The following TBL1X variants were observed in gnomAD, a reference collection of about 807,000 sequenced individuals.
TBL1X encodes transducin beta like 1 X-linked.
A neutral mutation model predicts 50.7 loss-of-function variants in TBL1X; 10 were observed. The ratio of observed to expected loss-of-function variants is 0.20; its 90% CI spans 0.12 to 0.33. The LOEUF is 0.33. TBL1X is among the 10% of genes least tolerant of loss of function. The probability of loss-of-function intolerance (pLI) is 1.00; values close to 1 mark genes in which losing one functional copy is unlikely to be tolerated. For synonymous variants in TBL1X, 190 were observed against 214.7 expected, an observed-to-expected ratio of 0.88 and a Z score of 1.01; for missense variants, 340 against 504.4, an observed-to-expected ratio of 0.67 and a Z score of 3.12.
chrX:9,708,754 G>T (rs1241000373), intron 13 of TBL1X, among the ~76,000 whole-genome samples: 1 of 107,057 alleles, frequency 9.3e-6, no homozygotes, highest in African/African-American at 3.4e-5. Context: ...TGTAGTCCCA[G>T]CTACTTGGGA....
At chrX:9,660,363 G>A (rs766683710) in intron 5 of TBL1X, among the ~76,000 whole-genome samples, 3 of 112,325 alleles carry the variant, frequency 2.7e-5, no homozygotes, top group East Asian at 2.8e-4. Context: ...CGTTGTGTCC[G>A]GCACAGGGAT....
intron 2 of TBL1X, among the ~76,000 whole-genome samples, chrX:9,542,796 A>T (rs945594768): frequency 2.7e-5 from 3 of 111,824 alleles, no homozygotes; most frequent in Non-Finnish European, 5.6e-5. Context: ...TGTTCATAAG[A>T]GCCCCGAATT....
At chrX:9,593,405 AAAT>A (rs201782729) in intron 2 of TBL1X, among the ~76,000 whole-genome samples, 6,522 of 102,110 alleles carry the variant, frequency 0.064, 383 homozygotes, top group African/African-American at 0.2. Flanking sequence ...TCCATCTTAA[AAAT>A]AATAATAATA....
At position 9,485,319 on chromosome X, in the gene TBL1X, G is replaced by T. The variant is rs575912633; in HGVS notation, c.-200-16461G>T. Among the ~76,000 whole-genome samples, 4 of 112,222 alleles carry T rather than the reference G, an allele frequency of 3.6e-5. No homozygotes were observed. In the South Asian group the frequency reaches 1.1e-3, roughly 31 times the overall value. On this transcript the variant is annotated intron_variant, in intron 1 of 17. Transcript: ENST00000645353. ...GTTAATCGTTTGTTAGTTGTTCCAG[G>T]TATTTCTCTTCTAGACCATTCCTTG...
intron 2 of TBL1X, among the ~76,000 whole-genome samples, chrX:9,509,203 T>A (rs59106948): frequency 8.5e-5 from 9 of 106,330 alleles, no homozygotes; most frequent in Non-Finnish European, 1.5e-4. Context: ...CTGGCTAACA[T>A]GGTGAAACAC....
At chrX:9,618,039 A>G (rs1464686967) in intron 2 of TBL1X, among the ~76,000 whole-genome samples, 3 of 111,668 alleles carry the variant, frequency 2.7e-5, no homozygotes, top group Non-Finnish European at 5.6e-5. Flanking sequence ...GTCTCCAGAT[A>G]TTGCCAGATG....
Position 9,573,930 on chromosome X carries a change from C to T in TBL1X, c.-130-66343C>T, listed in dbSNP as rs144853089. Among the ~76,000 whole-genome samples, 857 of 112,426 alleles carry T rather than the reference C, an allele frequency of 7.6e-3. 9 individuals are homozygous for T. The highest frequency in any genetic ancestry group is 0.026 in the African/African-American group (798 of 30,981). ...CTCCTGGGTCAGTCAGCTGGCGGAA[C>T]AGGGTAGGCCAGGGGAGACAGCACT... On this transcript the variant is annotated intron_variant, in intron 2 of 17. Coordinates refer to ENST00000645353, the MANE Select transcript of TBL1X (RefSeq NM_005647.4).
intron 2 of TBL1X, among the ~76,000 whole-genome samples, chrX:9,545,117 C>CT (rs2082235941): frequency 9.4e-6 from 1 of 106,658 alleles, no homozygotes; most frequent in Non-Finnish European, 1.9e-5. Context: ...AGCAATTCTC[C>CT]TGCCTCAGCC....
intron 2 of TBL1X, among the ~76,000 whole-genome samples, chrX:9,545,520 GGGT>G (rs1295293645): frequency 2.8e-5 from 3 of 107,668 alleles, no homozygotes; most frequent in Non-Finnish European, 5.8e-5. Context: ...ACTCCATCCT[GGGT>G]GACAAAGCAA....
At chrX:9,501,007 T>C (rs1315334564) in intron 1 of TBL1X, among the ~76,000 whole-genome samples, 1 of 111,653 alleles carries the variant, frequency 9.0e-6, no homozygotes, top group African/African-American at 3.3e-5. Context: ...CAAATGTCAG[T>C]AGGGCTAACA....
At chrX:9,474,581 C>T (rs1424618557) in intron 1 of TBL1X, among the ~76,000 whole-genome samples, 7 of 113,150 alleles carry the variant, frequency 6.2e-5, no homozygotes, top group Non-Finnish European at 9.4e-5. Flanking sequence ...GTTTTTAAAG[C>T]TGAAAAAATG....
chrX:9,534,251 A>G (rs2082176696), intron 2 of TBL1X, among the ~76,000 whole-genome samples: 1 of 111,648 alleles, frequency 9.0e-6, no homozygotes, highest in African/African-American at 3.3e-5. Flanking sequence ...CCTAATGAGT[A>G]TAAATAATGT....
chrX:9,648,782 T>C (rs2082818560), intron 3 of TBL1X, among the ~76,000 whole-genome samples: 2 of 112,118 alleles, frequency 1.8e-5, no homozygotes, highest in African/African-American at 6.5e-5. Flanking sequence ...ACCACTATAA[T>C]AACAGCACAT....
At chrX:9,507,282 T>G (rs5978326) in intron 2 of TBL1X, among the ~76,000 whole-genome samples, 2,672 of 111,710 alleles carry the variant, frequency 0.024, 69 homozygotes, top group African/African-American at 0.082. Flanking sequence ...TCACAAGCAT[T>G]CCTTTACACC....
At chrX:9,503,548 G>A (rs1041070562) in intron 2 of TBL1X, among the ~76,000 whole-genome samples, 5 of 113,151 alleles carry the variant, frequency 4.4e-5, no homozygotes, top group Non-Finnish European at 5.6e-5. Flanking sequence ...GGGAAGGGTG[G>A]CACCCATTTC....
chrX:9,609,823 T>C (rs1050940554), intron 2 of TBL1X, among the ~76,000 whole-genome samples: 1 of 112,348 alleles, frequency 8.9e-6, no homozygotes, highest in Non-Finnish European at 1.9e-5. Flanking sequence ...CTTTAATTCC[T>C]AACGAGGTGG....
intron 13 of TBL1X, among the ~76,000 whole-genome samples, chrX:9,706,818 T>C (rs139813985): frequency 1.8e-5 from 2 of 111,330 alleles, no homozygotes; most frequent in African/African-American, 6.5e-5. Flanking sequence ...GCCAAGCACC[T>C]TGCCCCGCGC....
intron 2 of TBL1X, among the ~76,000 whole-genome samples, chrX:9,632,683 T>C (rs2082727651): frequency 8.9e-6 from 1 of 112,289 alleles, no homozygotes; most frequent in East Asian, 2.8e-4. Context: ...CCAGTGTTTA[T>C]TATTTTTACA....
chrX:9,600,671 C>T (rs1217909484), intron 2 of TBL1X, among the ~76,000 whole-genome samples: 1 of 111,134 alleles, frequency 9.0e-6, no homozygotes, highest in Non-Finnish European at 1.9e-5. Flanking sequence ...CTGCTTTTCC[C>T]GAGGCCCGGG....
Sources: gnomAD v4.1 joint callset for allele counts (sites outside exome capture counted in the v4.1 genomes callset) on GRCh38, gnomAD v4.1.1 for gene constraint, MANE v1.5 for transcripts, NCBI Gene and HGNC (gene_info 2026-07-23, HGNC 2026-07-21) for gene names.